Variants in PTPRT observed in about 807,000 individuals in gnomAD.
PTPRT encodes the protein receptor-type tyrosine-protein phosphatase T.
PTPRT carries 56 observed loss-of-function variants against 176.8 expected under a neutral mutation model. The ratio of observed to expected loss-of-function variants is 0.32; its 90% confidence interval spans 0.26 to 0.40. The LOEUF (loss-of-function observed/expected upper bound fraction) is 0.40, where lower values mean the gene tolerates loss of function less well. PTPRT is among the 10% of genes least tolerant of loss of function. The probability of loss-of-function intolerance (pLI) is 1.00; values close to 1 mark genes in which losing one functional copy is unlikely to be tolerated. For synonymous variants in PTPRT, 783 were observed against 739.0 expected, an observed-to-expected ratio of 1.06 and a Z score of -0.96; for missense variants, 1,540 against 1,908.2, an observed-to-expected ratio of 0.81 and a Z score of 3.60.
At chr20:42,727,188 A>G (rs1055246195) in intron 6 of PTPRT, among the ~76,000 whole-genome samples, 15 of 152,086 alleles carry the variant, frequency 9.9e-5, no homozygotes, top group South Asian at 2.1e-4. Context: ...TGCTCTTCTC[A>G]TTTGGGCCTC....
intron 1 of PTPRT, among the ~76,000 whole-genome samples, chr20:42,917,253 T>C (rs1978830001): frequency 6.6e-6 from 1 of 152,164 alleles, no homozygotes; most frequent in Non-Finnish European, 1.5e-5. Flanking sequence ...GTCAGGTTTG[T>C]CAAAGATCAG....
intron 1 of PTPRT, among the ~76,000 whole-genome samples, chr20:43,069,419 G>C (rs2011151981): frequency 6.6e-6 from 1 of 152,120 alleles, no homozygotes; most frequent in Admixed American, 6.5e-5. Context: ...ATGACATTCA[G>C]AGTATAACAG....
At chr20:42,677,539 G>C (rs544813857) in intron 7 of PTPRT, among the ~76,000 whole-genome samples, 1 of 152,126 alleles carries the variant, frequency 6.6e-6, no homozygotes, top group East Asian at 1.9e-4. Context: ...ATGGCACCAG[G>C]AGTTCTGGAA....
intron 11 of PTPRT, among the ~76,000 whole-genome samples, chr20:42,350,229 T>TTTTTTTG (rs2058260464): frequency 3.1e-5 from 3 of 96,116 alleles, no homozygotes; most frequent in Admixed American, 1.3e-4. Flanking sequence ...TTTTTTTTTT[T>TTTTTTTG]TTTTTTTTTT....
intron 9 of PTPRT, among the ~76,000 whole-genome samples, chr20:42,399,862 T>C (rs570064681): frequency 6.6e-6 from 1 of 152,244 alleles, no homozygotes; most frequent in Non-Finnish European, 1.5e-5. Flanking sequence ...CCCGGAAGAA[T>C]GTATTGTGTC....
chr20:42,988,984 T>C (rs1249757644), intron 1 of PTPRT, among the ~76,000 whole-genome samples: 1 of 152,262 alleles, frequency 6.6e-6, no homozygotes, highest in African/African-American at 2.4e-5. Flanking sequence ...TAAGCCCATG[T>C]TTATCCTTTA....
At chr20:42,675,994 T>C (rs1456938463) in intron 7 of PTPRT, among the ~76,000 whole-genome samples, 1 of 152,242 alleles carries the variant, frequency 6.6e-6, no homozygotes, top group Non-Finnish European at 1.5e-5. Context: ...TATGAATGCA[T>C]ACTGCTCCAG....
intron 7 of PTPRT, among the ~76,000 whole-genome samples, chr20:42,599,202 G>A (rs1053309800): frequency 3.9e-5 from 6 of 152,170 alleles, no homozygotes; most frequent in African/African-American, 1.4e-4. Context: ...CCATACTCTG[G>A]CTTGGACAAC....
intron 16 of PTPRT, among the ~76,000 whole-genome samples, chr20:42,167,495 G>A (rs1420569650): frequency 6.6e-6 from 1 of 152,134 alleles, no homozygotes; most frequent in Non-Finnish European, 1.5e-5. Flanking sequence ...TTCTTAACTA[G>A]CTAATCAAAT....
At chr20:42,389,698 T>G (rs949449404) in intron 9 of PTPRT, among the ~76,000 whole-genome samples, 1 of 151,358 alleles carries the variant, frequency 6.6e-6, no homozygotes, top group African/African-American at 2.4e-5. Context: ...ACAAAAAAAT[T>G]AAGAAATACA....
intron 7 of PTPRT, among the ~76,000 whole-genome samples, chr20:42,661,817 T>TC (rs766184143): frequency 1.4e-4 from 21 of 152,362 alleles, no homozygotes; most frequent in Middle Eastern, 6.8e-3. Flanking sequence ...TTTCCTCTTT[T>TC]CTGTCAGGCA....
rs1372992942 is a variant in PTPRT, at chr20:42,118,730, G to A, written c.2885-230C>T. ...TCATTCCAAGCTCTCACAATCTGCAGCATCTACTGGAAATGTTGGCAGCCT... is the reference window on the plus strand; with the variant it reads ...TCATTCCAAGCTCTCACAATCTGCAACATCTACTGGAAATGTTGGCAGCCT... On this transcript the variant is annotated intron_variant, in intron 20 of 30. Transcript: ENST00000373187. Among the ~76,000 whole-genome samples, 4 of 152,176 alleles carry A rather than the reference G, an allele frequency of 2.6e-5. No homozygotes were observed. In the East Asian group the frequency reaches 7.7e-4, roughly 29 times the overall value.
chr20:42,217,732 G>T (rs192746980), intron 15 of PTPRT, among the ~76,000 whole-genome samples: 2 of 152,204 alleles, frequency 1.3e-5, no homozygotes, highest in Admixed American at 6.5e-5. Context: ...GATGCCAGTA[G>T]TTCCCCCTAC....
chr20:42,798,785 T>A (rs894628950), intron 2 of PTPRT, among the ~76,000 whole-genome samples: 1 of 152,144 alleles, frequency 6.6e-6, no homozygotes, highest in African/African-American at 2.4e-5. Context: ...TGCAAATTTG[T>A]TAAGGCAATT....
At chr20:42,824,852 A>T (rs568639394) in intron 2 of PTPRT, among the ~76,000 whole-genome samples, 1 of 152,138 alleles carries the variant, frequency 6.6e-6, no homozygotes, top group East Asian at 1.9e-4. Context: ...TAAAAACTGA[A>T]AAAATGTAAG....
intron 1 of PTPRT, among the ~76,000 whole-genome samples, chr20:42,918,040 G>A (rs1039587108): frequency 8.5e-5 from 13 of 152,240 alleles, no homozygotes; most frequent in African/African-American, 3.1e-4. Flanking sequence ...CCTGAGCTCA[G>A]GTGCCTAGGT....
At chr20:42,572,104 T>C (rs905134473) in intron 7 of PTPRT, among the ~76,000 whole-genome samples, 2 of 152,128 alleles carry the variant, frequency 1.3e-5, no homozygotes, top group African/African-American at 4.8e-5. Context: ...CTGTTCCTCA[T>C]AGATGGTGAC....
At chr20:42,473,372 AT>A (rs1056692590) in intron 7 of PTPRT, among the ~76,000 whole-genome samples, 6 of 150,486 alleles carry the variant, frequency 4.0e-5, no homozygotes, top group Admixed American at 2.7e-4. Flanking sequence ...CATTAAATAG[AT>A]TTTTTTAATA....
chr20:42,656,961 C>T (rs1003388969), intron 7 of PTPRT, among the ~76,000 whole-genome samples: 3 of 152,082 alleles, frequency 2.0e-5, no homozygotes, highest in African/African-American at 7.2e-5. Flanking sequence ...TTGGCTGTGT[C>T]CCCACCCAAA....
Sources: gnomAD v4.1 joint callset for allele counts (sites outside exome capture counted in the v4.1 genomes callset) on GRCh38, gnomAD v4.1.1 for gene constraint, MANE v1.5 for transcripts, NCBI Gene and HGNC (gene_info 2026-07-23, HGNC 2026-07-21) for gene names.